The following CCSER1 variants were observed in gnomAD, a reference collection of about 807,000 sequenced individuals.
CCSER1 encodes the protein serine-rich coiled-coil domain-containing protein 1.
Under a neutral mutation model 82.0 loss-of-function variants are expected in CCSER1, and 41 were observed. The observed-to-expected ratio is 0.50, with a 90% CI of 0.39 to 0.65. The LOEUF (loss-of-function observed/expected upper bound fraction) is 0.65, where lower values mean the gene tolerates loss of function less well. CCSER1 is among the 30% of genes least tolerant of loss of function. The pLI, the probability that CCSER1 is intolerant of heterozygous loss-of-function variation, is 0.00. For synonymous variants in CCSER1, 414 were observed against 383.9 expected (o/e 1.08, Z -0.92); for missense variants, 1,119 against 1,064.2 (o/e 1.05, Z -0.72).
At chr4:91,062,840 A>T (rs2148741866) in intron 9 of CCSER1, among the ~76,000 whole-genome samples, 1 of 152,258 alleles carries the variant, frequency 6.6e-6, no homozygotes, top group African/African-American at 2.4e-5. Flanking sequence ...TTTCTGGTAT[A>T]GACTCTGAAA....
At chr4:90,767,872 C>T (rs779141148) in intron 7 of CCSER1, among the ~76,000 whole-genome samples, 4 of 146,584 alleles carry the variant, frequency 2.7e-5, no homozygotes, top group African/African-American at 1.0e-4. Context: ...AGGCTGGTGT[C>T]GAACTTCTGG....
chr4:91,206,084 G>C (rs1038210191), intron 10 of CCSER1, among the ~76,000 whole-genome samples: 1 of 151,934 alleles, frequency 6.6e-6, no homozygotes, highest in Admixed American at 6.6e-5. Context: ...ACTGAAACGT[G>C]AAAAAGATGA....
intron 10 of CCSER1, among the ~76,000 whole-genome samples, chr4:91,235,782 A>G (rs1738953999): frequency 1.3e-5 from 2 of 152,154 alleles, no homozygotes. Flanking sequence ...GGTAATATTT[A>G]ACTATAGAAA....
At chr4:91,159,597 A>G (rs1376229962) in intron 10 of CCSER1, among the ~76,000 whole-genome samples, 2 of 151,928 alleles carry the variant, frequency 1.3e-5, no homozygotes, top group African/African-American at 4.8e-5. Flanking sequence ...GATTCTTCCC[A>G]TTAATATTAT....
In CCSER1 at chr4:90,815,526, A is replaced by ATGTGTGTG. The variant is rs113631267; in HGVS notation, c.2011-222_2011-215dup. 5.1e-3 allele frequency among the ~76,000 whole-genome samples: 774 copies of ATGTGTGTG among 150,698 alleles called. 3 individuals carry two copies. Among genetic ancestry groups the ATGTGTGTG allele is most frequent in the Admixed American group, 9.1e-3 (138 of 15,108 alleles). The stretch of plus-strand genomic sequence containing the variant: ...TAAGCAAAAACATATGTGTGTGTGG[A>ATGTGTGTG]TGTGTGTGTGTGTGTGTGTGTCTAC... On this transcript the variant is annotated intron_variant, in intron 7 of 10. Transcript: ENST00000509176.
chr4:90,609,630 T>C (rs970798140), intron 5 of CCSER1, among the ~76,000 whole-genome samples: 1 of 152,170 alleles, frequency 6.6e-6, no homozygotes, highest in Admixed American at 6.5e-5. Context: ...TTATATGCCT[T>C]ATAGCACACA....
intron 1 of CCSER1, among the ~76,000 whole-genome samples, chr4:90,140,778 C>T (rs1422668320): frequency 6.7e-6 from 1 of 149,386 alleles, no homozygotes; most frequent in Admixed American, 6.8e-5. Context: ...GATTCTCCTG[C>T]CTCTGCCTCC....
intron 6 of CCSER1, among the ~76,000 whole-genome samples, chr4:90,660,405 T>C (rs1213093167): frequency 1.3e-5 from 2 of 152,076 alleles, no homozygotes; most frequent in African/African-American, 4.8e-5. Context: ...TAGAAGCCAT[T>C]ATCCTTAATG....
intron 1 of CCSER1, among the ~76,000 whole-genome samples, chr4:90,224,246 C>A (rs892553017): frequency 2.6e-5 from 4 of 152,170 alleles, no homozygotes; most frequent in Non-Finnish European, 5.9e-5. Context: ...TGACATATGA[C>A]AAGGGAATTT....
chr4:90,500,993 A>G (rs1403330029), intron 5 of CCSER1, among the ~76,000 whole-genome samples: 3 of 152,102 alleles, frequency 2.0e-5, no homozygotes, highest in African/African-American at 4.8e-5. Flanking sequence ...TATATATTCT[A>G]TATAAAGAAT....
chr4:90,969,275 G>T (rs1408582739), intron 9 of CCSER1, among the ~76,000 whole-genome samples: 1 of 151,942 alleles, frequency 6.6e-6, no homozygotes, highest in East Asian at 1.9e-4. Flanking sequence ...TCTTGAGAGG[G>T]ATATGAACAT....
At chr4:90,929,954 A>T (rs1194903884) in intron 9 of CCSER1, among the ~76,000 whole-genome samples, 2 of 152,224 alleles carry the variant, frequency 1.3e-5, no homozygotes, top group African/African-American at 4.8e-5. Flanking sequence ...TTGTATACAT[A>T]TATCAATATC....
At chr4:90,128,459 TTTG>T (rs1722209307) in intron 1 of CCSER1, among the ~76,000 whole-genome samples, 1 of 151,906 alleles carries the variant, frequency 6.6e-6, no homozygotes, top group Admixed American at 6.5e-5. Context: ...AACCACTTGC[TTTG>T]TGGTGGAGCG....
intron 8 of CCSER1, among the ~76,000 whole-genome samples, chr4:90,871,072 C>CT (rs1256016064): frequency 2.1e-5 from 3 of 140,494 alleles, no homozygotes; most frequent in Admixed American, 6.9e-5. Flanking sequence ...GGTCTTCTCT[C>CT]TTTTTTTCTT....
In CCSER1 at chr4:90,628,012, T is replaced by G; in HGVS notation, c.1725-13T>G. 1 of 1,611,294 alleles carries G rather than the reference T, an allele frequency of 6.2e-7. No individual in the cohort carries two copies. The highest frequency in any genetic ancestry group is 8.5e-7 in the Non-Finnish European group (1 of 1,177,764). ...TGCACTGTAATTTTTGTTCTTTTTT[T>G]TTTTCTTGTTAGGAATCTTTCCCTG... On this transcript the variant is annotated splice_polypyrimidine_tract_variant and intron_variant, in intron 5 of 10. Transcript: ENST00000509176.
At chr4:91,571,569 T>C (rs938047475) in intron 10 of CCSER1, among the ~76,000 whole-genome samples, 2 of 152,142 alleles carry the variant, frequency 1.3e-5, no homozygotes, top group African/African-American at 4.8e-5. Context: ...CAGACACTTA[T>C]AGAACCATAA....
At chr4:90,130,853 A>T (rs1319924579) in intron 1 of CCSER1, among the ~76,000 whole-genome samples, 1 of 152,004 alleles carries the variant, frequency 6.6e-6, no homozygotes, top group African/African-American at 2.4e-5. Context: ...CAAACTCCTG[A>T]CCTCATGATC....
chr4:91,140,225 A>G (rs1728897050), intron 10 of CCSER1, among the ~76,000 whole-genome samples: 1 of 151,934 alleles, frequency 6.6e-6, no homozygotes, highest in Non-Finnish European at 1.5e-5. Context: ...GTAATATAGT[A>G]TAATGATGAG....
At chr4:91,246,819 T>TACACACACAC (rs1221506915) in intron 10 of CCSER1, among the ~76,000 whole-genome samples, 110 of 115,276 alleles carry the variant, frequency 9.5e-4, no homozygotes, top group African/African-American at 3.6e-3. Flanking sequence ...CATACACACA[T>TACACACACAC]ACACACATAC....
Sources: allele counts gnomAD v4.1 joint callset (sites outside exome capture counted in the v4.1 genomes callset), GRCh38; gene constraint gnomAD v4.1.1; transcripts MANE v1.5; gene names NCBI Gene and HGNC (gene_info 2026-07-23, HGNC 2026-07-21).